The following ARHGAP42 variants were observed in gnomAD, a reference collection of about 807,000 sequenced individuals.
ARHGAP42 encodes the protein Rho GTPase activating protein 42, also known as rho GTPase-activating protein 42.
In ARHGAP42, 63 loss-of-function variants were observed where a neutral mutation model predicts 125.0. That is an observed-to-expected ratio of 0.50 (90% CI 0.41 to 0.62). The LOEUF (loss-of-function observed/expected upper bound fraction) is 0.62, where lower values mean the gene tolerates loss of function less well. Among genes scored for constraint, ARHGAP42 ranks in the 20% least tolerant of loss-of-function variants. The pLI is 0.00. For synonymous variants in ARHGAP42, 339 were observed against 351.0 expected, an observed-to-expected ratio of 0.97 and a Z score of 0.38; for missense variants, 766 against 1,024.2, an observed-to-expected ratio of 0.75 and a Z score of 3.44.
At chr11:100,695,362 C>T (rs915282964) in intron 1 of ARHGAP42, among the ~76,000 whole-genome samples, 10 of 152,120 alleles carry the variant, frequency 6.6e-5, no homozygotes, top group African/African-American at 1.7e-4. Flanking sequence ...GGAATGCAAT[C>T]GCACGATCTC....
chr11:100,843,291 C>A (rs1169339166), intron 3 of ARHGAP42, among the ~76,000 whole-genome samples: 1 of 151,770 alleles, frequency 6.6e-6, no homozygotes, highest in African/African-American at 2.4e-5. Context: ...CTAAACAGAC[C>A]AATAACAAGG....
chr11:100,918,568 T>A (rs1228949038), intron 5 of ARHGAP42, among the ~76,000 whole-genome samples: 1 of 152,182 alleles, frequency 6.6e-6, no homozygotes, highest in African/African-American at 2.4e-5. Context: ...CAGTACAAAA[T>A]ATATAGTACC....
chr11:100,897,377 G>A (rs549688084), intron 4 of ARHGAP42, among the ~76,000 whole-genome samples: 1 of 152,196 alleles, frequency 6.6e-6, no homozygotes, highest in Non-Finnish European at 1.5e-5. Context: ...TTCTGTGAAG[G>A]AAGTCATTGG....
intron 1 of ARHGAP42, among the ~76,000 whole-genome samples, chr11:100,723,534 G>A (rs991835486): frequency 1.3e-5 from 2 of 150,744 alleles, no homozygotes; most frequent in Non-Finnish European, 3.0e-5. Flanking sequence ...TTTCTTTATG[G>A]TGAAATGTAA....
intron 3 of ARHGAP42, among the ~76,000 whole-genome samples, chr11:100,810,808 TC>T (rs1864121747): frequency 1.3e-5 from 2 of 152,166 alleles, no homozygotes; most frequent in Admixed American, 6.5e-5. Flanking sequence ...AAAGTCTAGG[TC>T]CTAATTAATT....
At chr11:100,771,928 C>T (rs985084156) in intron 2 of ARHGAP42, among the ~76,000 whole-genome samples, 1 of 152,086 alleles carries the variant, frequency 6.6e-6, no homozygotes, top group African/African-American at 2.4e-5. Context: ...TCTTGGGTTG[C>T]GTGTAAGATT....
intron 4 of ARHGAP42, among the ~76,000 whole-genome samples, chr11:100,897,786 A>G (rs917075539): frequency 6.6e-6 from 1 of 152,194 alleles, no homozygotes; most frequent in Admixed American, 6.5e-5. Flanking sequence ...TCATCTGCAA[A>G]CAGGGACAAT....
At chr11:100,870,930 A>C (rs1865680131) in intron 4 of ARHGAP42, among the ~76,000 whole-genome samples, 1 of 147,492 alleles carries the variant, frequency 6.8e-6, no homozygotes, top group Admixed American at 6.9e-5. Flanking sequence ...TATCAGAGTG[A>C]TCCAAGAAAG....
At chr11:100,709,592 G>A (rs1017253610) in intron 1 of ARHGAP42, among the ~76,000 whole-genome samples, 4 of 152,170 alleles carry the variant, frequency 2.6e-5, no homozygotes, top group Non-Finnish European at 5.9e-5. Flanking sequence ...CTGAAATGGT[G>A]GAAAGCAAAA....
At chr11:100,704,607 G>A (rs910333875) in intron 1 of ARHGAP42, among the ~76,000 whole-genome samples, 2 of 151,934 alleles carry the variant, frequency 1.3e-5, no homozygotes, top group Non-Finnish European at 2.9e-5. Context: ...CCACCGGTAA[G>A]AGGGGATGAG....
intron 5 of ARHGAP42, among the ~76,000 whole-genome samples, chr11:100,918,526 G>T (rs947148451): frequency 6.6e-6 from 1 of 152,024 alleles, no homozygotes; most frequent in African/African-American, 2.4e-5. Flanking sequence ...ATCTCATTTC[G>T]ATTGATGAAT....
At chr11:100,787,411 G>A (rs922860920) in intron 2 of ARHGAP42, among the ~76,000 whole-genome samples, 20 of 152,294 alleles carry the variant, frequency 1.3e-4, no homozygotes, top group African/African-American at 3.6e-4. Context: ...GTAGGAGTGT[G>A]AATCAGTTAA....
intron 10 of ARHGAP42, among the ~76,000 whole-genome samples, chr11:100,945,909 T>C (rs1231537100): frequency 6.6e-6 from 1 of 152,096 alleles, no homozygotes; most frequent in Non-Finnish European, 1.5e-5. Flanking sequence ...TTTGAAGCTT[T>C]GAGGCCAGAT....
At chr11:100,931,060 T>G (rs1192924909) in intron 6 of ARHGAP42, among the ~76,000 whole-genome samples, 1 of 152,224 alleles carries the variant, frequency 6.6e-6, no homozygotes, top group Non-Finnish European at 1.5e-5. Context: ...CCTATACACC[T>G]CATACACATA....
intron 4 of ARHGAP42, among the ~76,000 whole-genome samples, chr11:100,881,123 T>TA (rs1240322374): frequency 1.3e-5 from 2 of 152,136 alleles, no homozygotes; most frequent in African/African-American, 2.4e-5. Context: ...TGTTTCTTTG[T>TA]ATTTGCTTTT....
At chr11:100,892,247 C>G (rs1486427529) in intron 4 of ARHGAP42, among the ~76,000 whole-genome samples, 2 of 152,086 alleles carry the variant, frequency 1.3e-5, no homozygotes, top group Non-Finnish European at 2.9e-5. Flanking sequence ...AGGAACAAGA[C>G]CTTGAGGAAG....
intron 3 of ARHGAP42, among the ~76,000 whole-genome samples, chr11:100,810,954 T>G (rs1187809915): frequency 6.6e-6 from 1 of 152,046 alleles, no homozygotes; most frequent in African/African-American, 2.4e-5. Flanking sequence ...ATTTATTTAT[T>G]TTATTTATTT....
At chr11:100,988,447 G>A (rs1483616923) in intron 23 of ARHGAP42, among the ~76,000 whole-genome samples, 1 of 152,036 alleles carries the variant, frequency 6.6e-6, no homozygotes, top group Middle Eastern at 3.2e-3. Context: ...TATTTACATA[G>A]TATTTACATT....
At chr11:100,936,398 T>G in intron 8 of ARHGAP42, 66 bp downstream of exon 8, 1 of 1,528,162 alleles carries the variant, frequency 6.5e-7, no homozygotes, top group Non-Finnish European at 8.8e-7. Flanking sequence ...TGTGACTTGG[T>G]TAGTAGTATT....
Sources: allele counts gnomAD v4.1 joint callset (sites outside exome capture counted in the v4.1 genomes callset), GRCh38; gene constraint gnomAD v4.1.1; transcripts MANE v1.5; gene names NCBI Gene and HGNC (gene_info 2026-07-23, HGNC 2026-07-21).